Variants in SOX5 observed in about 807,000 individuals in gnomAD.
The protein encoded by SOX5 is SRY-box transcription factor 5.
Under a neutral mutation model 92.0 loss-of-function variants are expected in SOX5, and 9 were observed. That is an observed-to-expected ratio of 0.10 (90% CI 0.06 to 0.17). The LOEUF (loss-of-function observed/expected upper bound fraction) is 0.17. SOX5 is among the 10% of genes least tolerant of loss of function. The probability of loss-of-function intolerance (pLI) is 1.00; values close to 1 mark genes in which losing one functional copy is unlikely to be tolerated. For missense variants in SOX5, 642 were observed against 944.5 expected (o/e 0.68, Z 4.20); for synonymous variants, 344 against 336.3 (o/e 1.02, Z -0.25).
At chr12:24,490,288 C>T (rs1211983962) in intron 1 of SOX5, among the ~76,000 whole-genome samples, 1 of 152,108 alleles carries the variant, frequency 6.6e-6, no homozygotes, top group Non-Finnish European at 1.5e-5. Context: ...AGTTCTTAAT[C>T]AAAGAAAAGA....
At chr12:24,364,392 CT>C (rs1296592216) in intron 2 of SOX5, among the ~76,000 whole-genome samples, 2 of 151,518 alleles carry the variant, frequency 1.3e-5, no homozygotes, top group African/African-American at 4.9e-5. Flanking sequence ...TATTTTGATG[CT>C]CTATCTTCTG....
intron 3 of SOX5, among the ~76,000 whole-genome samples, chr12:23,764,991 T>C (rs938234366): frequency 2.6e-5 from 4 of 152,036 alleles, no homozygotes; most frequent in Non-Finnish European, 4.4e-5. Context: ...AAATCAAAGA[T>C]TGTGATATGC....
intron 3 of SOX5, among the ~76,000 whole-genome samples, chr12:23,810,039 G>T (rs2095850182): frequency 6.6e-6 from 1 of 152,040 alleles, no homozygotes; most frequent in African/African-American, 2.4e-5. Context: ...ACATCCTACT[G>T]AGTATTTTCG....
intron 1 of SOX5, among the ~76,000 whole-genome samples, chr12:24,418,085 GT>G (rs147857851): frequency 1.6e-4 from 23 of 148,154 alleles, no homozygotes; most frequent in East Asian, 9.9e-4. Flanking sequence ...TCATATTGCC[GT>G]TTTTTTTTTC....
chr12:23,576,885 A>G (rs556020666), intron 9 of SOX5, among the ~76,000 whole-genome samples: 1 of 151,882 alleles, frequency 6.6e-6, no homozygotes, highest in Non-Finnish European at 1.5e-5. Context: ...CTAATTTTAC[A>G]TTAATATTAT....
chr12:23,895,092 C>T (rs916401544), intron 2 of SOX5, among the ~76,000 whole-genome samples: 5 of 151,434 alleles, frequency 3.3e-5, no homozygotes, highest in African/African-American at 1.2e-4. Flanking sequence ...AGATGTTATG[C>T]TGGCTTCTTT....
chr12:23,578,190 C>T (rs943077825), intron 9 of SOX5, among the ~76,000 whole-genome samples: 4 of 114,542 alleles, frequency 3.5e-5, no homozygotes, highest in Non-Finnish European at 7.0e-5. Flanking sequence ...CAATCTGAAA[C>T]ATGACCTGTT....
At chr12:23,983,733 A>AT (rs946357144) in intron 4 of SOX5, among the ~76,000 whole-genome samples, 20 of 152,100 alleles carry the variant, frequency 1.3e-4, no homozygotes, top group African/African-American at 2.6e-4. Context: ...GGAGAGATTT[A>AT]TTTTTTTTGT....
At chr12:23,800,729 A>T (rs949010276) in intron 3 of SOX5, among the ~76,000 whole-genome samples, 5 of 152,162 alleles carry the variant, frequency 3.3e-5, no homozygotes, top group Non-Finnish European at 5.9e-5. Flanking sequence ...TCACATGGAA[A>T]ACTATGTTTA....
At chr12:24,072,608 A>G (rs1189144226) in intron 4 of SOX5, among the ~76,000 whole-genome samples, 2 of 152,212 alleles carry the variant, frequency 1.3e-5, no homozygotes, top group Admixed American at 6.5e-5. Flanking sequence ...CTTTGATAGC[A>G]GCAATGTGGC....
rs2089195500 is a variant in SOX5, at chr12:23,693,155, C to CTGTGT, written c.811-27596_811-27592dup. On this transcript the variant is annotated intron_variant, in intron 6 of 14. Coordinates refer to ENST00000451604, the MANE Select transcript of SOX5 (RefSeq NM_006940.6). Reference sequence around the variant, plus strand: ...TTGTTGTTGTTGAGACAGAGTCTCACTGTGTTGCCCAGGCTGGAGTGCAAG... The same window carrying CTGTGT: ...TTGTTGTTGTTGAGACAGAGTCTCACTGTGTTGTGTTGCCCAGGCTGGAGTGCAAG... Among the ~76,000 whole-genome samples the CTGTGT allele has an allele frequency of 2.6e-5, 4 of 152,192 alleles. No individual in the cohort carries two copies. The East Asian group carries it at 7.7e-4, about 29-fold the overall frequency.
intron 2 of SOX5, among the ~76,000 whole-genome samples, chr12:24,356,366 A>T (rs1954826139): frequency 6.6e-6 from 1 of 152,198 alleles, no homozygotes; most frequent in South Asian, 2.1e-4. Context: ...ATTATGCCAC[A>T]GAAACATGCA....
At chr12:23,976,854 T>G (rs1353766553) in intron 4 of SOX5, among the ~76,000 whole-genome samples, 1 of 151,536 alleles carries the variant, frequency 6.6e-6, no homozygotes, top group Non-Finnish European at 1.5e-5. Flanking sequence ...ACAGCATATA[T>G]AAAACAACTA....
chr12:24,289,452 T>C (rs1236366986), intron 2 of SOX5, among the ~76,000 whole-genome samples: 1 of 90,928 alleles, frequency 1.1e-5, no homozygotes, highest in Non-Finnish European at 2.0e-5. Context: ...GACATTTGTA[T>C]CTTTTTTTTT....
chr12:23,979,698 G>GTTTTTTTGTTTTT (rs1949313537), intron 4 of SOX5, among the ~76,000 whole-genome samples: 16 of 64,686 alleles, frequency 2.5e-4, no homozygotes, highest in Admixed American at 3.1e-4. Flanking sequence ...ATATATATAT[G>GTTTTTTTGTTTTT]TTTTTTTTGT....
chr12:24,201,401 T>C (rs1199459807), intron 4 of SOX5, among the ~76,000 whole-genome samples: 1 of 152,154 alleles, frequency 6.6e-6, no homozygotes, highest in African/African-American at 2.4e-5. Flanking sequence ...CATGTACTTC[T>C]AGGGAGTTTC....
chr12:23,755,597 A>G (rs752561128), intron 4 of SOX5, 41 bp downstream of exon 4: 1 of 1,394,694 alleles, frequency 7.2e-7, no homozygotes, highest in South Asian at 1.3e-5. Context: ...TATCAACTTC[A>G]TTTTGGTACA....
chr12:24,356,203 T>A (rs763765029), intron 2 of SOX5, among the ~76,000 whole-genome samples: 5 of 151,958 alleles, frequency 3.3e-5, no homozygotes, highest in Non-Finnish European at 5.9e-5. Flanking sequence ...TAGACTCCAG[T>A]GAAAGGAAAC....
At chr12:23,573,192 T>C (rs962869504) in intron 10 of SOX5, among the ~76,000 whole-genome samples, 2 of 152,162 alleles carry the variant, frequency 1.3e-5, no homozygotes, top group Admixed American at 6.6e-5. Flanking sequence ...AAGAGTAATA[T>C]ACATATTCCT....
Sources: allele counts gnomAD v4.1 joint callset (sites outside exome capture counted in the v4.1 genomes callset), GRCh38; gene constraint gnomAD v4.1.1; transcripts MANE v1.5; gene names NCBI Gene and HGNC (gene_info 2026-07-23, HGNC 2026-07-21).